TMEM163: variants seen among roughly 807,000 people sequenced by gnomAD.
TMEM163 encodes the protein transmembrane protein 163.
Under a neutral mutation model 29.3 loss-of-function variants are expected in TMEM163, and 17 were observed. The observed-to-expected ratio is 0.58, with a 90% CI of 0.40 to 0.87. The LOEUF (loss-of-function observed/expected upper bound fraction) is 0.87. TMEM163 is among the 40% of genes least tolerant of loss of function. The pLI, the probability that TMEM163 is intolerant of heterozygous loss-of-function variation, is 0.00. For missense variants in TMEM163, 303 were observed against 381.5 expected (o/e 0.79, Z 1.71); for synonymous variants, 157 against 160.6 (o/e 0.98, Z 0.17).
At chr2:134,526,081 G>A (rs1680288023) in intron 4 of TMEM163, among the ~76,000 whole-genome samples, 1 of 152,156 alleles carries the variant, frequency 6.6e-6, no homozygotes, top group African/African-American at 2.4e-5. Flanking sequence ...TGCTTCTAGT[G>A]CCAACCATGG....
At chr2:134,540,841 G>A (rs1680648261) in intron 4 of TMEM163, among the ~76,000 whole-genome samples, 1 of 152,158 alleles carries the variant, frequency 6.6e-6, no homozygotes, top group Admixed American at 6.6e-5. Flanking sequence ...TACATAAAAT[G>A]AAGAAATTCC....
intron 2 of TMEM163, among the ~76,000 whole-genome samples, chr2:134,637,073 G>C (rs776708458): frequency 5.9e-5 from 9 of 152,206 alleles, no homozygotes; most frequent in Non-Finnish European, 1.3e-4. Context: ...AGCTCGGACT[G>C]AATTACTCTT....
chr2:134,558,688 GC>G, intron 2 of TMEM163, among the ~76,000 whole-genome samples: 1 of 152,284 alleles, frequency 6.6e-6, no homozygotes, highest in Admixed American at 6.5e-5. Flanking sequence ...AGTGCAGACA[GC>G]CCCTCCACAA....
intron 2 of TMEM163, among the ~76,000 whole-genome samples, chr2:134,610,396 C>T (rs1682477296): frequency 6.6e-6 from 1 of 152,164 alleles, no homozygotes; most frequent in Non-Finnish European, 1.5e-5. Context: ...CAGCGTGATC[C>T]GAGTCAGCTG....
chr2:134,626,862 G>A (rs1682864186), intron 2 of TMEM163, among the ~76,000 whole-genome samples: 1 of 152,156 alleles, frequency 6.6e-6, no homozygotes, highest in Non-Finnish European at 1.5e-5. Flanking sequence ...AAACTATACT[G>A]TGTAAATATT....
intron 5 of TMEM163, chr2:134,469,646 T>A (rs1686749260): frequency 6.6e-6 from 1 of 151,696 alleles, no homozygotes; most frequent in South Asian, 2.1e-4. Context: ...ATTCTGTGGC[T>A]CCACGGGCTC....
chr2:134,519,477 C>A (rs566639208), intron 4 of TMEM163, among the ~76,000 whole-genome samples: 3 of 151,968 alleles, frequency 2.0e-5, no homozygotes, highest in African/African-American at 7.3e-5. Flanking sequence ...TTTAGGAGGC[C>A]GAGGCGGGCA....
At chr2:134,648,147 A>G (rs1683377914) in intron 2 of TMEM163, among the ~76,000 whole-genome samples, 3 of 152,008 alleles carry the variant, frequency 2.0e-5, no homozygotes, top group Non-Finnish European at 4.4e-5. Flanking sequence ...CAGGAAGGAG[A>G]GCTGAAAAAG....
chr2:134,717,231 T>C (rs1403970037), intron 1 of TMEM163, among the ~76,000 whole-genome samples: 1 of 152,176 alleles, frequency 6.6e-6, no homozygotes, highest in Non-Finnish European at 1.5e-5. Flanking sequence ...CTTCTGTCTT[T>C]CTTCAATATG....
intron 2 of TMEM163, among the ~76,000 whole-genome samples, chr2:134,637,296 A>G (rs1683126099): frequency 6.6e-6 from 1 of 152,148 alleles, no homozygotes; most frequent in Non-Finnish European, 1.5e-5. Flanking sequence ...TGTGCATGTG[A>G]GATGAACTGC....
intron 2 of TMEM163, among the ~76,000 whole-genome samples, chr2:134,669,776 C>T (rs957101130): frequency 3.3e-5 from 5 of 152,208 alleles, no homozygotes; most frequent in African/African-American, 7.2e-5. Flanking sequence ...CTTTAGAGCC[C>T]AGAGCCATCA....
At chr2:134,467,756 G>C (rs1428477415) in intron 5 of TMEM163, 1 of 152,254 alleles carries the variant, frequency 6.6e-6, no homozygotes, top group African/African-American at 2.4e-5. Context: ...TTCGTGAATA[G>C]TGCTGTCATC....
At chr2:134,647,768 G>A (rs1683365198) in intron 2 of TMEM163, among the ~76,000 whole-genome samples, 1 of 152,224 alleles carries the variant, frequency 6.6e-6, no homozygotes, top group Admixed American at 6.5e-5. Flanking sequence ...TTGCCAGCAG[G>A]GGCGGACTCC....
chr2:134,640,311 C>A (rs1223837631), intron 2 of TMEM163, among the ~76,000 whole-genome samples: 1 of 152,034 alleles, frequency 6.6e-6, no homozygotes, highest in East Asian at 1.9e-4. Context: ...TCACGCCCAA[C>A]CCCAGAAAAA....
rs751601796 is a variant in TMEM163 at position 134,718,963 on chromosome 2, GCGA to G, written c.-31_-29del. On this transcript the variant is annotated 5_prime_UTR_variant, in exon 1 of 8. Coordinates refer to ENST00000281924, the MANE Select transcript of TMEM163 (RefSeq NM_030923.5). The stretch of plus-strand genomic sequence containing the variant: ...CGCGGGGCTGCGGATCCCGGCGGCG[GCGA>G]CGACAAGCGCGGCGGGGACTCGAGT... 23 of 1,025,966 alleles carry G rather than the reference GCGA, an allele frequency of 2.2e-5. No individual in the cohort carries two copies. The highest frequency in any genetic ancestry group is 4.4e-5 in the South Asian group (1 of 22,490). The allele number at this position is 1,025,966 out of a possible 1,614,324, so 63.6% of individuals were successfully genotyped here.
chr2:134,588,160 A>G (rs1287029687), intron 2 of TMEM163, among the ~76,000 whole-genome samples: 1 of 152,102 alleles, frequency 6.6e-6, no homozygotes, highest in East Asian at 1.9e-4. Flanking sequence ...CGTTCCAAAA[A>G]TCCCACTCCT....
chr2:134,702,355 GA>G (rs1684722363), intron 2 of TMEM163, among the ~76,000 whole-genome samples: 1 of 152,190 alleles, frequency 6.6e-6, no homozygotes, highest in Admixed American at 6.5e-5. Context: ...CTATTAAAAA[GA>G]TCCAACCAGG....
intron 2 of TMEM163, among the ~76,000 whole-genome samples, chr2:134,587,933 G>T (rs1404727241): frequency 6.6e-6 from 1 of 152,200 alleles, no homozygotes; most frequent in African/African-American, 2.4e-5. Flanking sequence ...AAATAATCCA[G>T]GCAGTTACAA....
rs72984239 is a variant in TMEM163 at position 134,550,740 on chromosome 2, G to A, written c.367-79C>T. On this transcript the variant is annotated intron_variant, in intron 3 of 7. Transcript: ENST00000281924. ...TGTGAAGACACAGGACAACTGTGCT[G>A]TGACTCAGAACATCTGCATGAGTAA... 4.3e-3 allele frequency: 5,907 copies of A among 1,363,528 alleles called. 143 individuals are homozygous for A. The African/African-American group carries it at 0.065, about 15-fold the overall frequency. 84.5% of individuals were successfully genotyped at this position (1,363,528 alleles called of 1,614,324 possible). A position where few individuals can be genotyped will look rare whatever the true frequency, so the allele number is the denominator to read the frequency against.
Sources: allele counts gnomAD v4.1 joint callset (sites outside exome capture counted in the v4.1 genomes callset), GRCh38; gene constraint gnomAD v4.1.1; transcripts MANE v1.5; gene names NCBI Gene and HGNC (gene_info 2026-07-23, HGNC 2026-07-21).